The following NOL4 variants were observed in gnomAD, a reference collection of about 807,000 sequenced individuals.
NOL4 encodes cancer/testis antigen 125.
In NOL4, 17 loss-of-function variants were observed where a neutral mutation model predicts 75.9. The observed-to-expected ratio is 0.22, with a 90% CI of 0.15 to 0.34. The LOEUF (loss-of-function observed/expected upper bound fraction) is 0.34, where lower values mean the gene tolerates loss of function less well. Ranked by LOEUF, NOL4 falls within the 10% of genes least tolerant of loss-of-function variation. NOL4 has a pLI of 1.00. For missense variants in NOL4, 614 were observed against 793.5 expected (o/e 0.77, Z 2.72); for synonymous variants, 292 against 289.9 (o/e 1.01, Z -0.07).
At chr18:34,134,054 C>G (rs1033140642) in intron 1 of NOL4, among the ~76,000 whole-genome samples, 6 of 151,994 alleles carry the variant, frequency 3.9e-5, no homozygotes, top group Admixed American at 6.6e-5. Context: ...ACTTTCTTCC[C>G]TCAGCTTCTT....
intron 4 of NOL4, among the ~76,000 whole-genome samples, chr18:34,100,821 C>T (rs1248929896): frequency 6.6e-6 from 1 of 152,188 alleles, no homozygotes; most frequent in African/African-American, 2.4e-5. Flanking sequence ...CTTAATTACA[C>T]ATGCCAACTG....
chr18:33,863,669 C>A (rs1054365435), intron 10 of NOL4, among the ~76,000 whole-genome samples: 2 of 152,266 alleles, frequency 1.3e-5, no homozygotes, highest in Admixed American at 1.3e-4. Flanking sequence ...CATGGGCTGG[C>A]ATTGAGTGAC....
At chr18:34,033,446 G>A (rs930403793) in intron 5 of NOL4, among the ~76,000 whole-genome samples, 1 of 151,506 alleles carries the variant, frequency 6.6e-6, no homozygotes, top group Non-Finnish European at 1.5e-5. Flanking sequence ...AGATCAAGCA[G>A]AAGAAAAAAA....
At chr18:34,162,791 A>C (rs1209203167) in intron 1 of NOL4, among the ~76,000 whole-genome samples, 1 of 152,202 alleles carries the variant, frequency 6.6e-6, no homozygotes, top group Non-Finnish European at 1.5e-5. Context: ...ACAACCAAAA[A>C]AGAGAATTTT....
rs1176424621 is a variant in NOL4 at position 33,992,350 on chromosome 18, C to T, written c.1056+26968G>A. On this transcript the variant is annotated intron_variant, in intron 6 of 10. Coordinates refer to ENST00000261592, the MANE Select transcript of NOL4 (RefSeq NM_003787.5). The stretch of plus-strand genomic sequence containing the variant: ...ATTTCACTTCTCAAGAGTTAACAGG[C>T]CAGATCAACACTGTTATGACAGCAT... 3.3e-5 allele frequency among the ~76,000 whole-genome samples: 5 copies of T among 152,012 alleles called. No homozygotes were observed. The South Asian group carries it at 8.3e-4, about 25-fold the overall frequency.
chr18:34,147,330 T>A (rs138255521), intron 1 of NOL4, among the ~76,000 whole-genome samples: 5,219 of 152,252 alleles, frequency 0.034, 92 homozygotes, highest in Middle Eastern at 0.048. Flanking sequence ...TTTTTGCCCA[T>A]TCAGTATGAT....
chr18:34,058,927 C>T (rs1309408326), intron 5 of NOL4, among the ~76,000 whole-genome samples: 2 of 151,806 alleles, frequency 1.3e-5, no homozygotes, highest in East Asian at 3.9e-4. Context: ...ACCTAGAAAG[C>T]CATCAAATTG....
intron 5 of NOL4, among the ~76,000 whole-genome samples, chr18:34,085,760 A>T (rs2078213676): frequency 1.3e-5 from 2 of 152,352 alleles, no homozygotes; most frequent in South Asian, 4.1e-4. Context: ...TAAATATACA[A>T]CTAAACATCA....
At chr18:33,983,166 G>T (rs907712954) in intron 6 of NOL4, among the ~76,000 whole-genome samples, 1 of 152,064 alleles carries the variant, frequency 6.6e-6, no homozygotes, top group African/African-American at 2.4e-5. Context: ...ACAGTAAAAA[G>T]ATCAGTGGTT....
chr18:33,855,314 G>T (rs548806174), intron 10 of NOL4, among the ~76,000 whole-genome samples: 60 of 152,076 alleles, frequency 3.9e-4, no homozygotes, highest in Admixed American at 8.5e-4. Context: ...GACTGGTTTG[G>T]CTTCATTATC....
intron 1 of NOL4, among the ~76,000 whole-genome samples, chr18:34,178,047 T>G (rs555043895): frequency 2.9e-4 from 44 of 151,986 alleles, no homozygotes; most frequent in Non-Finnish European, 5.2e-4. Flanking sequence ...AATTCAATCA[T>G]TATAACCTTG....
chr18:34,169,190 T>C (rs1335978971), intron 1 of NOL4, among the ~76,000 whole-genome samples: 1 of 151,968 alleles, frequency 6.6e-6, no homozygotes, highest in Non-Finnish European at 1.5e-5. Context: ...TAAATCACTT[T>C]AAATATAATT....
intron 5 of NOL4, among the ~76,000 whole-genome samples, chr18:34,041,201 G>C (rs995606580): frequency 6.6e-6 from 1 of 151,824 alleles, no homozygotes; most frequent in Admixed American, 6.6e-5. Flanking sequence ...TTGAAGACAG[G>C]ATGAGCCACT....
At chr18:34,117,647 C>A (rs2145807664) in intron 2 of NOL4, among the ~76,000 whole-genome samples, 1 of 152,238 alleles carries the variant, frequency 6.6e-6, no homozygotes, top group East Asian at 1.9e-4. Flanking sequence ...TCCATTCCAG[C>A]AAAACTGAGG....
intron 1 of NOL4, among the ~76,000 whole-genome samples, chr18:34,176,560 G>A (rs2033562261): frequency 6.6e-6 from 1 of 151,998 alleles, no homozygotes; most frequent in Non-Finnish European, 1.5e-5. Context: ...CAAATATAAT[G>A]GTATTTGGAA....
At chr18:34,053,608 TCTA>T (rs2145010324) in intron 5 of NOL4, among the ~76,000 whole-genome samples, 1 of 151,950 alleles carries the variant, frequency 6.6e-6, no homozygotes, top group South Asian at 2.1e-4. Flanking sequence ...CTATTATCAC[TCTA>T]CTATTTTTCA....
intron 1 of NOL4, among the ~76,000 whole-genome samples, chr18:34,171,508 TAG>T (rs1161573840): frequency 9.9e-5 from 15 of 152,272 alleles, no homozygotes; most frequent in African/African-American, 3.4e-4. Flanking sequence ...GAAGATATTG[TAG>T]AGTTTCCAGA....
At chr18:33,972,658 C>A (rs2071167458) in intron 6 of NOL4, among the ~76,000 whole-genome samples, 1 of 152,228 alleles carries the variant, frequency 6.6e-6, no homozygotes, top group African/African-American at 2.4e-5. Flanking sequence ...GGTTTTCAAC[C>A]ACTGCAATAA....
chr18:33,896,075 C>G (rs1270849155), intron 9 of NOL4, among the ~76,000 whole-genome samples: 2 of 152,038 alleles, frequency 1.3e-5, no homozygotes, highest in Admixed American at 1.3e-4. Context: ...AATAAAATAC[C>G]TAGGAATACA....
Sources: allele counts gnomAD v4.1 joint callset (sites outside exome capture counted in the v4.1 genomes callset), GRCh38; gene constraint gnomAD v4.1.1; transcripts MANE v1.5; gene names NCBI Gene and HGNC (gene_info 2026-07-23, HGNC 2026-07-21).